Variants in SERGEF observed in about 807,000 individuals in gnomAD.
SERGEF encodes the protein secretion regulating guanine nucleotide exchange factor, also known as secretion-regulating guanine nucleotide exchange factor.
Under a neutral mutation model 50.0 loss-of-function variants are expected in SERGEF, and 51 were observed. The observed-to-expected ratio is 1.02, with a 90% CI of 0.81 to 1.29. The LOEUF (loss-of-function observed/expected upper bound fraction) is 1.29. Ranked by LOEUF, SERGEF falls within the 50% of genes most tolerant of loss-of-function variation. SERGEF has a pLI of 0.00. For missense variants in SERGEF, 521 were observed against 557.0 expected, an observed-to-expected ratio of 0.94 and a Z score of 0.65; for synonymous variants, 205 against 212.4, an observed-to-expected ratio of 0.97 and a Z score of 0.30.
chr11:17,949,545 C>T (rs1480466743), intron 9 of SERGEF, among the ~76,000 whole-genome samples: 3 of 152,034 alleles, frequency 2.0e-5, no homozygotes, highest in Non-Finnish European at 4.4e-5. Flanking sequence ...CTGGCAAAAC[C>T]CATACCCTGC....
At chr11:17,885,636 ATTT>A (rs111936875) in intron 9 of SERGEF, among the ~76,000 whole-genome samples, 2 of 149,596 alleles carry the variant, frequency 1.3e-5, no homozygotes, top group Non-Finnish European at 3.0e-5. Context: ...GCATGATCTG[ATTT>A]TTTTTTTAAT....
intron 9 of SERGEF, among the ~76,000 whole-genome samples, chr11:17,900,522 A>G (rs1002654132): frequency 3.3e-5 from 5 of 152,214 alleles, no homozygotes; most frequent in Non-Finnish European, 7.3e-5. Flanking sequence ...AATGGCTCCA[A>G]TTGCATTTAT....
intron 9 of SERGEF, among the ~76,000 whole-genome samples, chr11:17,890,385 C>T (rs1161092260): frequency 3.9e-5 from 6 of 152,088 alleles, no homozygotes; most frequent in Non-Finnish European, 7.3e-5. Flanking sequence ...AAGACGCTGG[C>T]GTGAACTCAT....
At chr11:17,910,876 G>A (rs1435950182) in intron 9 of SERGEF, among the ~76,000 whole-genome samples, 1 of 152,232 alleles carries the variant, frequency 6.6e-6, no homozygotes, top group Admixed American at 6.5e-5. Flanking sequence ...TGGGGATAGA[G>A]GAGGGTGGCC....
chr11:17,936,606 C>T (rs1247269559), intron 9 of SERGEF, among the ~76,000 whole-genome samples: 1 of 152,000 alleles, frequency 6.6e-6, no homozygotes, highest in Admixed American at 6.6e-5. Flanking sequence ...CAAGGTAATA[C>T]GAAGCTTCCT....
At chr11:17,942,470 C>A (rs1476581142) in intron 9 of SERGEF, among the ~76,000 whole-genome samples, 1 of 151,890 alleles carries the variant, frequency 6.6e-6, no homozygotes, top group Non-Finnish European at 1.5e-5. Flanking sequence ...TGATTTTGTA[C>A]CTTGCTAAAT....
rs974089226 is a variant in SERGEF at position 17,870,191 on chromosome 11, C to T, written c.1048+8017G>A. On this transcript the variant is annotated intron_variant, in intron 10 of 10. Coordinates refer to ENST00000265965, the MANE Select transcript of SERGEF (RefSeq NM_012139.4). Reference sequence around the variant, plus strand: ...CATGATTGTAAGTTTCCTGACGCCTCCCCAGCCACACTGAACTGTGAGTCA... The same window carrying T: ...CATGATTGTAAGTTTCCTGACGCCTTCCCAGCCACACTGAACTGTGAGTCA... 3.3e-5 allele frequency among the ~76,000 whole-genome samples: 5 copies of T among 152,194 alleles called. No individual in the cohort carries two copies. The South Asian group carries it at 1.0e-3, about 32-fold the overall frequency.
In SERGEF at chr11:18,009,719, CTATTAT is replaced by C. The variant is rs1233167808; in HGVS notation, c.61-1649_61-1644del. 4.0e-5 allele frequency among the ~76,000 whole-genome samples: 6 copies of C among 151,756 alleles called. 1 individual carries two copies. In the East Asian group the frequency reaches 1.2e-3, roughly 29 times the overall value. On this transcript the variant is annotated intron_variant, in intron 1 of 10. Transcript: ENST00000265965. ...GATTTCCCCTTGACAGGCAATATGT[CTATTAT>C]TATTATTATTATACAAAAAGGGTCC...
chr11:17,928,695 T>TAC (rs1420858677), intron 9 of SERGEF, among the ~76,000 whole-genome samples: 2 of 151,998 alleles, frequency 1.3e-5, no homozygotes, highest in African/African-American at 2.4e-5. Context: ...CAGTCGAGAC[T>TAC]ACCCTTCAAA....
chr11:17,832,641 A>C (rs1024329118), intron 10 of SERGEF, among the ~76,000 whole-genome samples: 1 of 152,284 alleles, frequency 6.6e-6, no homozygotes, highest in African/African-American at 2.4e-5. Context: ...CTCCCTAGAG[A>C]CTTCTTGGAG....
intron 9 of SERGEF, among the ~76,000 whole-genome samples, chr11:17,914,826 G>A (rs1276178741): frequency 2.0e-5 from 3 of 152,008 alleles, no homozygotes; most frequent in Non-Finnish European, 2.9e-5. Context: ...ACTGTTCTAG[G>A]CACTGTAATA....
intron 3 of SERGEF, among the ~76,000 whole-genome samples, chr11:18,005,139 T>C (rs983494920): frequency 6.6e-6 from 1 of 152,222 alleles, no homozygotes; most frequent in Non-Finnish European, 1.5e-5. Flanking sequence ...TAGTTTTTAA[T>C]CTCCAATACT....
In SERGEF at chr11:17,917,889, C is replaced by T. The variant is rs535732428; in HGVS notation, c.1012-39645G>A. Among the ~76,000 whole-genome samples the T allele has an allele frequency of 3.3e-5, 5 of 152,330 alleles. No individual in the cohort carries two copies. The South Asian group carries it at 8.3e-4, about 25-fold the overall frequency. On this transcript the variant is annotated intron_variant, in intron 9 of 10. Coordinates refer to ENST00000265965, the MANE Select transcript of SERGEF (RefSeq NM_012139.4). ...TCATTTGAGAAGCACTATCCTAGTC[C>T]ACAGGAACTTCAGAGATGCAAATGA...
intron 8 of SERGEF, among the ~76,000 whole-genome samples, chr11:17,977,121 G>C (rs201288228): frequency 1.3e-5 from 2 of 152,226 alleles, no homozygotes; most frequent in East Asian, 1.9e-4. Flanking sequence ...ACCAGCACTC[G>C]AGTCTCTCGT....
At chr11:17,928,087 C>T (rs981908408) in intron 9 of SERGEF, among the ~76,000 whole-genome samples, 2 of 152,214 alleles carry the variant, frequency 1.3e-5, no homozygotes, top group African/African-American at 2.4e-5. Flanking sequence ...ACTAATTATG[C>T]ACGGAAGTCT....
At chr11:17,957,935 C>T (rs1852910017) in intron 9 of SERGEF, among the ~76,000 whole-genome samples, 1 of 152,050 alleles carries the variant, frequency 6.6e-6, no homozygotes, top group Non-Finnish European at 1.5e-5. Context: ...ATTGGTACAA[C>T]TTGTAGAAGT....
At chr11:17,932,294 C>G (rs998529826) in intron 9 of SERGEF, among the ~76,000 whole-genome samples, 1 of 152,162 alleles carries the variant, frequency 6.6e-6, no homozygotes, top group African/African-American at 2.4e-5. Context: ...AAATATAGGC[C>G]TTTTCTTCAA....
chr11:17,964,700 G>A (rs1341300310), intron 8 of SERGEF, among the ~76,000 whole-genome samples: 1 of 152,058 alleles, frequency 6.6e-6, no homozygotes, highest in Non-Finnish European at 1.5e-5. Context: ...ATGAAAAGGA[G>A]GAAGCTCTCT....
At chr11:17,800,690 G>A (rs1849652559) in intron 10 of SERGEF, among the ~76,000 whole-genome samples, 1 of 152,218 alleles carries the variant, frequency 6.6e-6, no homozygotes, top group Admixed American at 6.5e-5. Context: ...AGGGCAGGTA[G>A]TTGGGAAGTC....
Sources: allele counts gnomAD v4.1 joint callset (sites outside exome capture counted in the v4.1 genomes callset), GRCh38; gene constraint gnomAD v4.1.1; transcripts MANE v1.5; gene names NCBI Gene and HGNC (gene_info 2026-07-23, HGNC 2026-07-21).